PCA3: variants seen among roughly 807,000 people sequenced by gnomAD.
PCA3 encodes the protein Differential Display code 3.
In PCA3 at chr9:76,767,793, G is replaced by A. The variant is rs541934967; in HGVS notation, n.852+31178G>A. ...GGGTGTAAAAACCCAGCTGGAGGGA[G>A]TGCACACTGGCTCCTATCTTCTATC... is the stretch of plus-strand genomic sequence containing the variant. On this transcript the variant is annotated intron_variant and non_coding_transcript_variant, in intron 2 of 5. Transcript: ENST00000644657. Among the ~76,000 whole-genome samples, 4 of 152,284 alleles carry A rather than the reference G, an allele frequency of 2.6e-5. No individual in the cohort carries two copies. In the East Asian group the frequency reaches 5.8e-4, roughly 22 times the overall value.
chr9:76,768,583 ATGTGTGTGTGTGTGTGTG>A (rs55793596), intron 2 of PCA3, among the ~76,000 whole-genome samples: 3 of 103,244 alleles, frequency 2.9e-5, no homozygotes, highest in Non-Finnish European at 6.5e-5. Flanking sequence ...ATGTATATGT[ATGTGTGTGTGTGTGTGTG>A]TGTGTGTGTG....
At chr9:76,785,452 T>C (rs1328979112) in intron 2 of PCA3, 3 of 152,178 alleles carry the variant, frequency 2.0e-5, no homozygotes, top group South Asian at 4.1e-4. Context: ...CCTCATAGTA[T>C]CTTATATAAT....
intron 2 of PCA3, among the ~76,000 whole-genome samples, chr9:76,775,553 A>G (rs1031686336): frequency 3.3e-5 from 5 of 152,074 alleles, no homozygotes; most frequent in African/African-American, 1.2e-4. Context: ...TGCCTGCCTC[A>G]GCCTCCCAAA....
intron 2 of PCA3, chr9:76,786,197 C>A (rs1287783823): frequency 6.6e-6 from 1 of 151,430 alleles, no homozygotes; most frequent in Admixed American, 6.5e-5. Context: ...GGTGCTTTCA[C>A]TAATGTCTCT....
At chr9:76,775,799 C>T (rs578001372) in intron 2 of PCA3, among the ~76,000 whole-genome samples, 6 of 152,358 alleles carry the variant, frequency 3.9e-5, no homozygotes, top group Admixed American at 2.6e-4. Flanking sequence ...ATTGCTCACC[C>T]GGCCTTCATG....
intron 2 of PCA3, among the ~76,000 whole-genome samples, chr9:76,777,418 C>T (rs180758468): frequency 3.9e-4 from 60 of 152,324 alleles, no homozygotes; most frequent in African/African-American, 1.3e-3. Context: ...CTGTAAAATG[C>T]TATCCCAGGC....
At chr9:76,787,302 T>C (rs547883705) in intron 2 of PCA3, 1 of 140,690 alleles carries the variant, frequency 7.1e-6, no homozygotes, top group Admixed American at 6.8e-5. Context: ...TATATTACGT[T>C]GTTATTATTT....
intron 2 of PCA3, chr9:76,787,341 T>A (rs886969950): frequency 5.9e-5 from 9 of 152,242 alleles, no homozygotes; most frequent in African/African-American, 2.2e-4. Context: ...TTTATTTGAT[T>A]TAGTTTCAAT....
intron 2 of PCA3, chr9:76,786,888 GTGGCTCC>G (rs1477462925): frequency 2.0e-5 from 3 of 152,190 alleles, no homozygotes. Flanking sequence ...GAGAAACCCA[GTGGCTCC>G]TTGTGGTACA....
chr9:76,765,224 G>C (rs2052211509), intron 2 of PCA3, among the ~76,000 whole-genome samples: 1 of 152,146 alleles, frequency 6.6e-6, no homozygotes, highest in Non-Finnish European at 1.5e-5. Context: ...ACAAGAGGAG[G>C]AGCCAGCAAA....
At chr9:76,775,102 A>G (rs774163293) in intron 2 of PCA3, among the ~76,000 whole-genome samples, 10 of 152,216 alleles carry the variant, frequency 6.6e-5, no homozygotes, top group Non-Finnish European at 1.2e-4. Context: ...GCTAAGCTGA[A>G]CCGAATAGGA....
At chr9:76,766,146 G>A (rs1381558060) in intron 2 of PCA3, among the ~76,000 whole-genome samples, 1 of 148,558 alleles carries the variant, frequency 6.7e-6, no homozygotes. Flanking sequence ...TTGCGCCACT[G>A]CACTCTAGCC....
At chr9:76,765,803 C>G (rs1430064587) in intron 2 of PCA3, among the ~76,000 whole-genome samples, 1 of 152,162 alleles carries the variant, frequency 6.6e-6, no homozygotes, top group African/African-American at 2.4e-5. Context: ...GACTCACTTT[C>G]CTTATCTATG....
intron 2 of PCA3, among the ~76,000 whole-genome samples, chr9:76,782,175 C>A (rs1182129732): frequency 2.0e-5 from 3 of 151,770 alleles, no homozygotes; most frequent in African/African-American, 7.3e-5. Flanking sequence ...GATGGTGCCA[C>A]TGCACTCCAG....
intron 2 of PCA3, among the ~76,000 whole-genome samples, chr9:76,772,585 G>A (rs1426201608): frequency 6.6e-6 from 1 of 152,050 alleles, no homozygotes; most frequent in African/African-American, 2.4e-5. Context: ...TTTTTTTAGA[G>A]ACAGGGTCTT....
In PCA3 at chr9:76,780,435, C is replaced by G. The variant is rs576629509; in HGVS notation, n.853-28148C>G. 1.2e-4 allele frequency among the ~76,000 whole-genome samples: 18 copies of G among 152,234 alleles called. No homozygotes were observed. In the South Asian group the frequency reaches 3.3e-3, roughly 28 times the overall value. ...AGGCACGATGGCTCACGCCTGTAAT[C>G]CCAGCACTTTGGGAGGCCGAGGCGG... is the stretch of plus-strand genomic sequence containing the variant. On this transcript the variant is annotated intron_variant and non_coding_transcript_variant, in intron 2 of 5. Transcript: ENST00000644657.
intron 2 of PCA3, among the ~76,000 whole-genome samples, chr9:76,769,944 C>G (rs2052907939): frequency 6.6e-6 from 1 of 152,044 alleles, no homozygotes; most frequent in Non-Finnish European, 1.5e-5. Flanking sequence ...AAATTGAAAA[C>G]AATCCTGAAA....
intron 2 of PCA3, among the ~76,000 whole-genome samples, chr9:76,777,998 T>C (rs983213370): frequency 6.6e-6 from 1 of 152,132 alleles, no homozygotes; most frequent in African/African-American, 2.4e-5. Context: ...GGAAGGATAA[T>C]AAACAGTAGG....
intron 2 of PCA3, among the ~76,000 whole-genome samples, chr9:76,773,636 G>T (rs1309843490): frequency 1.3e-5 from 2 of 152,048 alleles, no homozygotes; most frequent in African/African-American, 2.4e-5. Flanking sequence ...TACAGGAGGG[G>T]TTTTGCCATG....
Sources: allele counts gnomAD v4.1 joint callset (sites outside exome capture counted in the v4.1 genomes callset), GRCh38; gene constraint gnomAD v4.1.1; transcripts MANE v1.5; gene names NCBI Gene and HGNC (gene_info 2026-07-23, HGNC 2026-07-21).